SEMA5A: variants seen among roughly 807,000 people sequenced by gnomAD.
The protein encoded by SEMA5A is semaphorin 5A, also known as semaphorin-5A.
A neutral mutation model predicts 135.5 loss-of-function variants in SEMA5A; 55 were observed. The ratio of observed to expected loss-of-function variants is 0.41; its 90% CI spans 0.33 to 0.51. The LOEUF is 0.51. Ranked by LOEUF, SEMA5A falls within the 20% of genes least tolerant of loss-of-function variation. SEMA5A has a pLI of 0.37. For missense variants in SEMA5A, 1,290 were observed against 1,419.9 expected (o/e 0.91, Z 1.47); for synonymous variants, 580 against 546.5 (o/e 1.06, Z -0.85).
intron 9 of SEMA5A, among the ~76,000 whole-genome samples, chr5:9,200,105 A>G (rs1263431021): frequency 6.6e-6 from 1 of 152,240 alleles, no homozygotes; most frequent in Non-Finnish European, 1.5e-5. Flanking sequence ...AAATATTGTG[A>G]AATTTGAGTT....
intron 3 of SEMA5A, among the ~76,000 whole-genome samples, chr5:9,362,299 T>C (rs1252310180): frequency 6.6e-6 from 1 of 152,064 alleles, no homozygotes; most frequent in Non-Finnish European, 1.5e-5. Context: ...TGACCTCTCT[T>C]TTTTATTTCT....
At chr5:9,192,226 C>T (rs113465448) in intron 10 of SEMA5A, among the ~76,000 whole-genome samples, 3,154 of 152,384 alleles carry the variant, frequency 0.021, 55 homozygotes, top group Non-Finnish European at 0.035. Context: ...TGGCAGCTGT[C>T]CTGCCACATG....
chr5:9,282,170 A>G (rs1206690510), intron 5 of SEMA5A, among the ~76,000 whole-genome samples: 1 of 152,136 alleles, frequency 6.6e-6, no homozygotes, highest in African/African-American at 2.4e-5. Context: ...CACCTTTAAC[A>G]CAAGAGCATC....
chr5:9,470,611 C>A (rs147930293), intron 1 of SEMA5A, among the ~76,000 whole-genome samples: 1 of 152,328 alleles, frequency 6.6e-6, no homozygotes, highest in East Asian at 1.9e-4. Flanking sequence ...CCCAGGATTT[C>A]TCTGGCCAAT....
At chr5:9,091,338 T>C (rs1739023023) in intron 16 of SEMA5A, among the ~76,000 whole-genome samples, 1 of 152,202 alleles carries the variant, frequency 6.6e-6, no homozygotes, top group South Asian at 2.1e-4. Flanking sequence ...TGTCCAGATT[T>C]ATCTTGTTAT....
intron 3 of SEMA5A, among the ~76,000 whole-genome samples, chr5:9,346,412 G>T (rs1275431932): frequency 6.6e-6 from 1 of 152,088 alleles, no homozygotes; most frequent in East Asian, 1.9e-4. Context: ...CAAGAGCTTG[G>T]AAACCATGGG....
chr5:9,221,315 T>TTG (rs1746947488), intron 8 of SEMA5A, among the ~76,000 whole-genome samples: 1 of 148,198 alleles, frequency 6.7e-6, no homozygotes, highest in Non-Finnish European at 1.5e-5. Context: ...TTTTTTTTTT[T>TTG]TTTTTGAGAC....
intron 1 of SEMA5A, among the ~76,000 whole-genome samples, chr5:9,525,300 C>T (rs922419042): frequency 2.0e-5 from 3 of 152,168 alleles, no homozygotes; most frequent in Non-Finnish European, 1.5e-5. Context: ...TACAAGAAAA[C>T]TTTGCTGATC....
Position 9,162,562 on chromosome 5 carries a change from G to GTA in SEMA5A, c.1274-7868_1274-7867insTA, listed in dbSNP as rs1267036137. ...TATGTGTGTATATATGTGTGTGTGT[G>GTA]TGTATATATATATATATATATATAC... On this transcript the variant is annotated intron_variant, in intron 11 of 22. Transcript: ENST00000382496. Among the ~76,000 whole-genome samples, 115 of 63,228 alleles carry GTA rather than the reference G, an allele frequency of 1.8e-3. 1 individual carries two copies. The highest frequency in any genetic ancestry group is 8.5e-3 in the Middle Eastern group (1 of 118). 41.5% of individuals were successfully genotyped at this position (63,228 alleles called of 152,430 possible).
At chr5:9,228,218 C>T (rs40664) in intron 6 of SEMA5A, among the ~76,000 whole-genome samples, 147,952 of 152,274 alleles carry the variant, frequency 0.97, 72,051 homozygotes, top group East Asian at 1. Flanking sequence ...TCCAAAGGAA[C>T]AGGGAAGGGA....
chr5:9,079,898 C>G (rs539025735), intron 16 of SEMA5A, among the ~76,000 whole-genome samples: 9 of 152,280 alleles, frequency 5.9e-5, no homozygotes, highest in Non-Finnish European at 1.0e-4. Context: ...CAGGAAACAA[C>G]AGATGCTAGA....
chr5:9,431,982 C>T (rs371936607), intron 2 of SEMA5A, among the ~76,000 whole-genome samples: 4 of 152,304 alleles, frequency 2.6e-5, no homozygotes, highest in African/African-American at 9.6e-5. Context: ...ACTTGGCAGA[C>T]ATTCACCTAA....
chr5:9,371,517 T>A (rs917738780), intron 3 of SEMA5A, among the ~76,000 whole-genome samples: 5 of 152,238 alleles, frequency 3.3e-5, no homozygotes, highest in African/African-American at 7.2e-5. Context: ...AGTGGTTTTT[T>A]AAAAATATTT....
intron 1 of SEMA5A, among the ~76,000 whole-genome samples, chr5:9,476,919 TA>T (rs552785915): frequency 2.3e-3 from 328 of 140,916 alleles, no homozygotes; most frequent in South Asian, 2.7e-3. Flanking sequence ...TTTACAAAAC[TA>T]AAAAAAAAAA....
chr5:9,470,742 A>T (rs1416608085), intron 1 of SEMA5A, among the ~76,000 whole-genome samples: 1 of 152,112 alleles, frequency 6.6e-6, no homozygotes. Context: ...GATGACAGCC[A>T]CCCCAGAAAT....
At chr5:9,517,793 G>C (rs570768543) in intron 1 of SEMA5A, 1 of 152,072 alleles carries the variant, frequency 6.6e-6, no homozygotes, top group African/African-American at 2.4e-5. Context: ...CCTTACCAAT[G>C]AGCCGACCCT....
At chr5:9,362,341 G>A (rs977027511) in intron 3 of SEMA5A, among the ~76,000 whole-genome samples, 1 of 151,946 alleles carries the variant, frequency 6.6e-6, no homozygotes, top group Admixed American at 6.6e-5. Flanking sequence ...CTTGCTTTGG[G>A]GACGCTATTT....
intron 1 of SEMA5A, among the ~76,000 whole-genome samples, chr5:9,451,609 G>A (rs1461884499): frequency 6.6e-6 from 1 of 152,156 alleles, no homozygotes. Context: ...GCAATAATAT[G>A]GTGGTTATTG....
intron 12 of SEMA5A, among the ~76,000 whole-genome samples, chr5:9,139,839 T>C (rs1053448982): frequency 6.6e-6 from 1 of 152,216 alleles, no homozygotes; most frequent in South Asian, 2.1e-4. Context: ...TCAAACATTA[T>C]AGAAAGATTA....
Sources: gnomAD v4.1 joint callset for allele counts (sites outside exome capture counted in the v4.1 genomes callset) on GRCh38, gnomAD v4.1.1 for gene constraint, MANE v1.5 for transcripts, NCBI Gene and HGNC (gene_info 2026-07-23, HGNC 2026-07-21) for gene names.